The following PDE11A variants were observed in gnomAD, a reference collection of about 807,000 sequenced individuals.
The protein encoded by PDE11A is phosphodiesterase 11A.
In PDE11A, 100 loss-of-function variants were observed where a neutral mutation model predicts 100.5. That is an observed-to-expected ratio of 1.00 (90% CI 0.85 to 1.18). The LOEUF (loss-of-function observed/expected upper bound fraction) is 1.18, where lower values mean the gene tolerates loss of function less well. PDE11A is among the 50% of genes most tolerant of loss of function. The pLI is 0.00. For synonymous variants in PDE11A, 381 were observed against 420.8 expected (o/e 0.91, Z 1.16); for missense variants, 1,141 against 1,152.6 (o/e 0.99, Z 0.15).
chr2:178,006,823 AGGG>A lies in PDE11A; in HGVS notation c.1071+7476_1071+7478del, dbSNP rs3067362. 7.9e-3 allele frequency among the ~76,000 whole-genome samples: 1,181 copies of A among 149,994 alleles called. 6 individuals carry two copies. The highest frequency in any genetic ancestry group is 0.013 in the African/African-American group (523 of 40,224). On this transcript the variant is annotated intron_variant, in intron 2 of 19. Coordinates refer to ENST00000286063, the MANE Select transcript of PDE11A (RefSeq NM_016953.4). ...ACTTAATTCCATTTCTGTCAAAACAAGGGGGGGGGGGGAAGCCAATGCATTCCA... is the reference window on the plus strand; with the variant it reads ...ACTTAATTCCATTTCTGTCAAAACAAGGGGGGGGGAAGCCAATGCATTCCA...
chr2:177,734,330 G>A (rs1421471271), intron 10 of PDE11A, among the ~76,000 whole-genome samples: 1 of 152,054 alleles, frequency 6.6e-6, no homozygotes, highest in Admixed American at 6.6e-5. Context: ...TTCTCGGGGA[G>A]CAAACAATGA....
chr2:177,857,237 A>C (rs1323408348), intron 5 of PDE11A, among the ~76,000 whole-genome samples: 2 of 152,042 alleles, frequency 1.3e-5, no homozygotes, highest in Non-Finnish European at 2.9e-5. Flanking sequence ...AGACATTCTC[A>C]AATAAACAAA....
At chr2:177,664,852 T>G (rs776189794) in intron 18 of PDE11A, among the ~76,000 whole-genome samples, 3 of 152,174 alleles carry the variant, frequency 2.0e-5, no homozygotes. Context: ...ACATAAAATG[T>G]GGCATTCACA....
At chr2:177,731,935 T>TA (rs148381766) in intron 10 of PDE11A, among the ~76,000 whole-genome samples, 3,684 of 151,932 alleles carry the variant, frequency 0.024, 62 homozygotes, top group Non-Finnish European at 0.037. Context: ...ATTTATGCAC[T>TA]AAAAAAAACC....
intron 2 of PDE11A, among the ~76,000 whole-genome samples, chr2:177,964,031 G>A (rs1038706596): frequency 2.0e-5 from 3 of 151,980 alleles, no homozygotes; most frequent in Non-Finnish European, 4.4e-5. Flanking sequence ...CCTCAATAAT[G>A]GCTGTTTTTA....
At chr2:177,890,427 A>G (rs1404111853) in intron 4 of PDE11A, among the ~76,000 whole-genome samples, 1 of 152,206 alleles carries the variant, frequency 6.6e-6, no homozygotes, top group Non-Finnish European at 1.5e-5. Flanking sequence ...ATTTTGGTGA[A>G]CATTGTGCTC....
chr2:177,911,173 A>G (rs1026240104), intron 2 of PDE11A, among the ~76,000 whole-genome samples: 26 of 152,236 alleles, frequency 1.7e-4, no homozygotes, highest in African/African-American at 6.0e-4. Flanking sequence ...GGGATGTTTT[A>G]AGACAGTTGT....
At chr2:178,053,157 T>C (rs1032062234) in intron 1 of PDE11A, among the ~76,000 whole-genome samples, 1 of 152,224 alleles carries the variant, frequency 6.6e-6, no homozygotes. Context: ...ATCAGAAAGC[T>C]TATCCACCAT....
Position 177,624,931 on chromosome 2 carries a change from G to A in PDE11A, c.*4476C>T, listed in dbSNP as rs918730126. 1 of 152,226 alleles carries A rather than the reference G, an allele frequency of 6.6e-6. No individual in the cohort carries two copies. The highest frequency in any genetic ancestry group is 6.5e-5 in the Admixed American group (1 of 15,280). 9.4% of individuals were successfully genotyped at this position (152,226 alleles called of 1,614,324 possible). On this transcript the variant is annotated 3_prime_UTR_variant, in exon 20 of 20. Transcript: ENST00000286063. ...CAAACAATACAAAATTTAGCTGGGTGTGGTGGTGCACACCTGTGGTCCCAG... is the reference window on the plus strand; with the variant it reads ...CAAACAATACAAAATTTAGCTGGGTATGGTGGTGCACACCTGTGGTCCCAG...
chr2:177,633,466 G>C (rs1244085490), intron 19 of PDE11A, among the ~76,000 whole-genome samples: 1 of 152,230 alleles, frequency 6.6e-6, no homozygotes, highest in African/African-American at 2.4e-5. Flanking sequence ...TTAACGGAGT[G>C]GGGGTGGGGG....
At chr2:177,898,347 T>C in intron 3 of PDE11A, 149 bp from the exon 4 acceptor site, 1 of 638,834 alleles carries the variant, frequency 1.6e-6, no homozygotes, top group Non-Finnish European at 2.7e-6. Flanking sequence ...TTTTGACATA[T>C]TTTTATCTCT....
chr2:178,084,529 G>A (rs574756772), intron 2 of PDE11A, among the ~76,000 whole-genome samples: 162 of 152,290 alleles, frequency 1.1e-3, no homozygotes, highest in African/African-American at 3.8e-3. Flanking sequence ...TGATGGTTTC[G>A]CAAGCCAGAA....
At chr2:177,718,316 G>C (rs2081473795) in intron 12 of PDE11A, among the ~76,000 whole-genome samples, 1 of 152,200 alleles carries the variant, frequency 6.6e-6, no homozygotes, top group African/African-American at 2.4e-5. Context: ...CAGGTAGCCT[G>C]GCTCCCCAGT....
At chr2:177,634,997 A>G (rs1466894212) in intron 19 of PDE11A, among the ~76,000 whole-genome samples, 1 of 152,186 alleles carries the variant, frequency 6.6e-6, no homozygotes, top group Non-Finnish European at 1.5e-5. Flanking sequence ...TCTAAAGGTT[A>G]TGTATGCGGC....
intron 2 of PDE11A, among the ~76,000 whole-genome samples, chr2:177,979,408 A>C (rs936048614): frequency 2.0e-5 from 3 of 150,494 alleles, no homozygotes; most frequent in Non-Finnish European, 4.5e-5. Context: ...TAGCCAACTC[A>C]AGGTTCAGGA....
chr2:178,087,968 C>T (rs959297580), intron 2 of PDE11A, among the ~76,000 whole-genome samples: 4 of 151,670 alleles, frequency 2.6e-5, no homozygotes, highest in African/African-American at 4.9e-5. Context: ...AAAATATATT[C>T]GAAAATGAGA....
chr2:177,949,595 ATGTGT>A (rs1574302223), intron 2 of PDE11A, among the ~76,000 whole-genome samples: 1 of 152,190 alleles, frequency 6.6e-6, no homozygotes. Context: ...TTCTCACATC[ATGTGT>A]TGTGAGAAAT....
chr2:177,779,506 T>G (rs922480088), intron 9 of PDE11A, among the ~76,000 whole-genome samples: 1 of 152,246 alleles, frequency 6.6e-6, no homozygotes, highest in African/African-American at 2.4e-5. Flanking sequence ...TCAACTAAAT[T>G]TGTGTAATAT....
chr2:177,837,517 A>G (rs2083424923), intron 6 of PDE11A, among the ~76,000 whole-genome samples: 1 of 147,374 alleles, frequency 6.8e-6, no homozygotes, highest in East Asian at 2.0e-4. Context: ...TCTGTCGCCC[A>G]GGCTGGAGTG....
Sources: allele counts gnomAD v4.1 joint callset (sites outside exome capture counted in the v4.1 genomes callset), GRCh38; gene constraint gnomAD v4.1.1; transcripts MANE v1.5; gene names NCBI Gene and HGNC (gene_info 2026-07-23, HGNC 2026-07-21).